Variants in ZFR observed in about 807,000 individuals in gnomAD.
The protein encoded by ZFR is zinc finger RNA-binding protein.
A neutral mutation model predicts 130.7 loss-of-function variants in ZFR; 19 were observed. The observed-to-expected ratio is 0.15, with a 90% CI of 0.10 to 0.21. ZFR has a LOEUF of 0.21. Ranked by LOEUF, ZFR falls within the 10% of genes least tolerant of loss-of-function variation. The probability of loss-of-function intolerance (pLI) is 1.00; values close to 1 mark genes in which losing one functional copy is unlikely to be tolerated. For synonymous variants in ZFR, 466 were observed against 456.9 expected, an observed-to-expected ratio of 1.02 and a Z score of -0.25; for missense variants, 872 against 1,321.5, an observed-to-expected ratio of 0.66 and a Z score of 5.27.
At chr5:32,402,321 G>C (rs895697381) in intron 8 of ZFR, among the ~76,000 whole-genome samples, 37 of 152,192 alleles carry the variant, frequency 2.4e-4, no homozygotes, top group African/African-American at 8.2e-4. Context: ...AGTCAACTGT[G>C]TCAAGTATTA....
At chr5:32,383,745 G>A in intron 15 of ZFR, 1 of 456,660 alleles carries the variant, frequency 2.2e-6, no homozygotes, top group Middle Eastern at 3.3e-4. Context: ...GAGCTGCAGT[G>A]AGAGAGAATA....
chr5:32,431,313 A>C (rs1289940589), intron 2 of ZFR, among the ~76,000 whole-genome samples: 1 of 152,304 alleles, frequency 6.6e-6, no homozygotes, highest in Non-Finnish European at 1.5e-5. Context: ...AGAACACAAA[A>C]TCAGGAGGAC....
intron 5 of ZFR, among the ~76,000 whole-genome samples, chr5:32,409,315 A>G (rs931782163): frequency 2.6e-5 from 4 of 152,178 alleles, no homozygotes; most frequent in African/African-American, 9.6e-5. Flanking sequence ...TCTTAAATAC[A>G]TTAAATTATC....
chr5:32,396,466 C>T (rs1753314080), intron 10 of ZFR, among the ~76,000 whole-genome samples: 1 of 151,944 alleles, frequency 6.6e-6, no homozygotes, highest in Non-Finnish European at 1.5e-5. Context: ...ACAGGCCAGG[C>T]ACGGTGGCTC....
chr5:32,379,489 C>G, intron 16 of ZFR: 1 of 131,834 alleles, frequency 7.6e-6, no homozygotes, highest in East Asian at 1.2e-4. Flanking sequence ...AAACAGTAAA[C>G]TTAAAAAAAA....
At chr5:32,419,282 A>C (rs1387018236) in intron 3 of ZFR, among the ~76,000 whole-genome samples, 5 of 152,210 alleles carry the variant, frequency 3.3e-5, no homozygotes, top group African/African-American at 7.2e-5. Flanking sequence ...TATAAATAAT[A>C]GAGTCAAATG....
At chr5:32,419,065 CAAG>C (rs1305346717) in intron 3 of ZFR, among the ~76,000 whole-genome samples, 1 of 152,110 alleles carries the variant, frequency 6.6e-6, no homozygotes, top group East Asian at 1.9e-4. Context: ...TGCTAAGTTT[CAAG>C]AAGAAAATAT....
At chr5:32,417,859 T>C (rs1293029892) in intron 3 of ZFR, 67 bp from the exon 4 acceptor site, 28 of 1,496,468 alleles carry the variant, frequency 1.9e-5, no homozygotes, top group East Asian at 9.1e-5. Context: ...ACTTACTGTA[T>C]AGAAGTGCAA....
intron 2 of ZFR, among the ~76,000 whole-genome samples, chr5:32,423,661 A>C (rs1754003822): frequency 6.6e-6 from 1 of 152,162 alleles, no homozygotes; most frequent in Non-Finnish European, 1.5e-5. Flanking sequence ...AAATTAAGAA[A>C]TAAAATTTCC....
chr5:32,420,705 A>G (rs914025565), intron 2 of ZFR, among the ~76,000 whole-genome samples: 2 of 152,208 alleles, frequency 1.3e-5, no homozygotes, highest in African/African-American at 4.8e-5. Flanking sequence ...GGAGGTGGTG[A>G]TATGTGAGCT....
intron 2 of ZFR, among the ~76,000 whole-genome samples, chr5:32,431,562 G>C (rs565333642): frequency 2.0e-4 from 30 of 152,256 alleles, no homozygotes; most frequent in Admixed American, 3.9e-4. Context: ...CTGTGTGTGT[G>C]CATGTTTCAA....
chr5:32,435,777 A>C (rs537973589), intron 2 of ZFR, among the ~76,000 whole-genome samples: 2 of 152,294 alleles, frequency 1.3e-5, no homozygotes, highest in African/African-American at 4.8e-5. Context: ...GAATTCAAAA[A>C]ATTTATTTTC....
chr5:32,356,409 T>C (rs1467629963), intron 19 of ZFR, among the ~76,000 whole-genome samples: 2 of 152,070 alleles, frequency 1.3e-5, no homozygotes, highest in Non-Finnish European at 2.9e-5. Flanking sequence ...GGTTTCAGTA[T>C]TTTTGTTTTG....
intron 3 of ZFR, among the ~76,000 whole-genome samples, chr5:32,419,129 T>G (rs920472788): frequency 7.9e-5 from 12 of 152,222 alleles, no homozygotes; most frequent in African/African-American, 2.9e-4. Flanking sequence ...GAGACATACC[T>G]GTGTTCCAGA....
At chr5:32,392,176 C>CTGT in intron 11 of ZFR, among the ~76,000 whole-genome samples, 1 of 152,352 alleles carries the variant, frequency 6.6e-6, no homozygotes. Flanking sequence ...TAATAGTTTA[C>CTGT]TGTTGTTGCT....
At chr5:32,384,478 A>G (rs538779943) in intron 15 of ZFR, among the ~76,000 whole-genome samples, 122 of 152,344 alleles carry the variant, frequency 8.0e-4, no homozygotes, top group African/African-American at 2.8e-3. Context: ...TGTCTTAAAA[A>G]ATTGCTTTGT....
chr5:32,434,236 A>G (rs1297175000), intron 2 of ZFR, among the ~76,000 whole-genome samples: 1 of 152,228 alleles, frequency 6.6e-6, no homozygotes, highest in African/African-American at 2.4e-5. Context: ...TGTATTATGT[A>G]TTGATTCTTC....
intron 3 of ZFR, 88 bp from the exon 4 acceptor site, chr5:32,417,880 C>A: frequency 8.1e-7 from 1 of 1,238,286 alleles, no homozygotes; most frequent in Non-Finnish European, 1.1e-6. Flanking sequence ...TAAAGGAAAA[C>A]AAAACACTAA....
Position 32,406,777 on chromosome 5 carries a change from T to C in ZFR, c.1029A>G (p.Pro343=). The change falls in exon 6 of 20, where the codon CCA becomes CCG. Residue 343 remains proline (P), a synonymous_variant. Transcript: ENST00000265069. ...GTAAAACATACAACGTAAGTACCTG[T>C]GGTCCAGCACAGCTGATCTTACAAA... ...CDVCKISCAG[P]QTYKEHLEGQ... 1 of 1,608,912 alleles carries C rather than the reference T, an allele frequency of 6.2e-7. No homozygotes were observed. The highest frequency in any genetic ancestry group is 8.5e-7 in the Non-Finnish European group (1 of 1,178,850).
Sources: allele counts gnomAD v4.1 joint callset (sites outside exome capture counted in the v4.1 genomes callset), GRCh38; gene constraint gnomAD v4.1.1; transcripts MANE v1.5; gene names NCBI Gene and HGNC (gene_info 2026-07-23, HGNC 2026-07-21).